The following SLC26A5 variants were observed in gnomAD, a reference collection of about 807,000 sequenced individuals.
The protein encoded by SLC26A5 is solute carrier family 26 member 5.
Under a neutral mutation model 81.0 loss-of-function variants are expected in SLC26A5, and 51 were observed. The observed-to-expected ratio is 0.63, with a 90% confidence interval of 0.50 to 0.80. SLC26A5 has a LOEUF of 0.80. SLC26A5 is among the 30% of genes least tolerant of loss of function. SLC26A5 has a pLI of 0.00. For synonymous variants in SLC26A5, 325 were observed against 332.8 expected (o/e 0.98, Z 0.25); for missense variants, 771 against 905.8 (o/e 0.85, Z 1.91).
At chr7:103,392,760 G>A (rs1333579508) in intron 10 of SLC26A5, among the ~76,000 whole-genome samples, 159 bp downstream of exon 10, 1 of 152,120 alleles carries the variant, frequency 6.6e-6, no homozygotes, top group African/African-American at 2.4e-5. Context: ...TGTATTTTCA[G>A]TAGAGATGGG....
At position 103,392,977 on chromosome 7, in the gene SLC26A5, G is replaced by T. The variant is rs755628714; in HGVS notation, c.1061C>A (p.Thr354Asn). 7 of 1,613,914 alleles carry T rather than the reference G, an allele frequency of 4.3e-6. No homozygotes were observed. In the Admixed American group the frequency reaches 1.0e-4, roughly 23 times the overall value. ...IAIAIVGFSV[T>N]ISMAKTLANK... ...TGCTAAGGTCTTGGCCATGGAGATG[G>T]TCACTGAAAATCCAACGATGGCTAT... is the stretch of plus-strand genomic sequence containing the variant. Residue 354 changes from threonine to asparagine, a missense_variant, in exon 10 of 20, where the codon ACC (threonine) becomes AAC (asparagine). Thr to Asn is a moderately conservative substitution (Grantham distance 65, BLOSUM62 0). Transcript: ENST00000306312.
At chr7:103,423,463 T>C (rs985982380) in intron 2 of SLC26A5, among the ~76,000 whole-genome samples, 9 of 152,220 alleles carry the variant, frequency 5.9e-5, no homozygotes, top group African/African-American at 2.2e-4. Context: ...TTTTGTCTCT[T>C]TCAAAATTCA....
chr7:103,430,626 A>G (rs982081068), intron 2 of SLC26A5, among the ~76,000 whole-genome samples: 5 of 88,500 alleles, frequency 5.6e-5, no homozygotes, highest in African/African-American at 4.5e-4. Context: ...CTGGATTTGA[A>G]GTGGCTCTCA....
At chr7:103,436,299 C>T (rs1380784215) in intron 2 of SLC26A5, among the ~76,000 whole-genome samples, 2 of 151,936 alleles carry the variant, frequency 1.3e-5, no homozygotes, top group Non-Finnish European at 2.9e-5. Flanking sequence ...GTCCAGAGAC[C>T]CCTGAGAATC....
At position 103,367,606 on chromosome 7, in the gene SLC26A5, C is replaced by A; in HGVS notation, c.2041+9202G>T. ...ATAGAAAAATTGAATTTAGCTTGCC[C>A]GATCTAGAGGTAAGAAAACCATTTC... is the stretch of plus-strand genomic sequence containing the variant. On this transcript the variant is annotated intron_variant, in intron 19 of 19. Transcript: ENST00000339444. This position sits in a 1 kb window ranked among gnomAD's most constrained non-coding sequence, Gnocchi z 6.1. 1.9e-6 allele frequency: 3 copies of A among 1,613,974 alleles called. No homozygotes were observed. The South Asian group carries it at 3.3e-5, about 18-fold the overall frequency.
Position 103,378,343 on chromosome 7 carries a change from CTT to C in SLC26A5, c.1785+101_1785+102del, listed in dbSNP as rs1821509426. ...ACTAAGGTGGTTTCTAAACTTTCCTCTTTTAGTAACTTCGTGCTGTGTTTAAA... is the reference window on the plus strand; with the variant it reads ...ACTAAGGTGGTTTCTAAACTTTCCTCTTAGTAACTTCGTGCTGTGTTTAAA... On this transcript the variant is annotated intron_variant, in intron 17 of 19. Transcript: ENST00000306312. The C allele has an allele frequency of 2.6e-6, 3 of 1,170,182 alleles. No homozygotes were observed. The South Asian group carries it at 3.7e-5, about 15-fold the overall frequency. The allele number at this position is 1,170,182 out of a possible 1,614,324, so 72.5% of individuals were successfully genotyped here. A position where few individuals can be genotyped will look rare whatever the true frequency, so the allele number is the denominator to read the frequency against.
At chr7:103,368,206 G>A in intron 19 of SLC26A5, 1 of 717,372 alleles carries the variant, frequency 1.4e-6, no homozygotes, top group Non-Finnish European at 2.1e-6. Context: ...GATTTCTAAT[G>A]TTATTAGGCA....
chr7:103,359,206 TG>T (rs370145007), intron 19 of SLC26A5, among the ~76,000 whole-genome samples: 33 of 140,210 alleles, frequency 2.4e-4, no homozygotes, highest in African/African-American at 7.5e-4. Flanking sequence ...CCATGTTGCC[TG>T]GGCTGCTCTT....
At chr7:103,440,625 A>C (rs1020836082) in intron 2 of SLC26A5, among the ~76,000 whole-genome samples, 3 of 152,182 alleles carry the variant, frequency 2.0e-5, no homozygotes, top group Admixed American at 2.0e-4. Flanking sequence ...AATACTACTA[A>C]ATCTTTGGGA....
At position 103,418,490 on chromosome 7, in the gene SLC26A5, C is replaced by T. The variant is rs190645000; in HGVS notation, c.292+2248G>A. Among the ~76,000 whole-genome samples the T allele has an allele frequency of 1.8e-3, 275 of 152,204 alleles. 2 individuals are homozygous for T. The highest frequency in any genetic ancestry group is 6.4e-3 in the African/African-American group (264 of 41,522). ...CTGTTTCAGATACTGGGCCCTTATC[C>T]GCTCCTCACCCTGCCCTTGCCCCTG... On this transcript the variant is annotated intron_variant, in intron 4 of 19. Coordinates refer to ENST00000306312, the MANE Select transcript of SLC26A5 (RefSeq NM_198999.3).
downstream of SLC26A5, among the ~76,000 whole-genome samples, chr7:103,370,496 A>T (rs140485623): frequency 6.6e-6 from 1 of 151,638 alleles, no homozygotes; most frequent in East Asian, 1.9e-4. Flanking sequence ...TCATTTTCTC[A>T]AAGTGTACAC....
chr7:103,421,915 A>G (rs1359582417), intron 2 of SLC26A5, among the ~76,000 whole-genome samples: 1 of 152,228 alleles, frequency 6.6e-6, no homozygotes, highest in Admixed American at 6.5e-5. Flanking sequence ...GGAAACAGAA[A>G]AAAAGAGTAC....
intron 4 of SLC26A5, among the ~76,000 whole-genome samples, chr7:103,414,982 A>G (rs1044086291): frequency 1.3e-4 from 20 of 152,216 alleles, no homozygotes; most frequent in African/African-American, 4.8e-4. Flanking sequence ...GACACACTCA[A>G]GAGGGCCTGG....
At chr7:103,376,731 T>C (rs1821378506) in intron 19 of SLC26A5, 77 bp downstream of exon 19, 7 of 1,004,412 alleles carry the variant, frequency 7.0e-6, no homozygotes, top group Admixed American at 3.9e-5. Flanking sequence ...ATTAAGGACA[T>C]TTCCAAGTGC....
At chr7:103,371,765 G>C (rs1168615261), downstream of SLC26A5, among the ~76,000 whole-genome samples, 1 of 147,736 alleles carries the variant, frequency 6.8e-6, no homozygotes, top group African/African-American at 2.5e-5. Flanking sequence ...GCGTGGTCTC[G>C]GCTCACTGCA....
In SLC26A5 at chr7:103,390,506, G is replaced by A. The variant is rs1014473408; in HGVS notation, c.1234C>T (p.Leu412Phe). ...ATTAATGAGGCCAAACAACCTGCAA[G>A]CTGAATGAGAGAAGACACATGGAAG... The part of the protein sequence containing the change: ...VQEGTGGKTQ[L>F]AGCLASLMIL... The change falls in exon 12 of 20, where the codon CTT (leucine) becomes TTT (phenylalanine). Residue 412 changes from leucine (L) to phenylalanine (F), a missense_variant and splice_region_variant. Physicochemically the swap from Leu to Phe is conservative, Grantham distance 22. Coordinates refer to ENST00000306312, the MANE Select transcript of SLC26A5 (RefSeq NM_198999.3). The A allele has an allele frequency of 1.2e-6, 2 of 1,613,834 alleles. No homozygotes were observed. Among genetic ancestry groups the A allele is most frequent in the Non-Finnish European group, 8.5e-7 (1 of 1,179,740 alleles).
downstream of SLC26A5, among the ~76,000 whole-genome samples, chr7:103,373,201 A>T (rs529413158): frequency 4.6e-5 from 7 of 152,364 alleles, no homozygotes; most frequent in East Asian, 1.3e-3. Context: ...TACCACACAG[A>T]TAAGTCTGTA....
Position 103,377,623 on chromosome 7 carries a change from A to C in SLC26A5, c.1962T>G (p.Ser654=). The change falls in exon 18 of 20, where the codon TCT becomes TCG. Residue 654 remains serine (S), a synonymous_variant. Transcript: ENST00000306312. ...CCCCTGCCAGAGTTTTCACTCCAAC[A>C]GAATCAATAAAATTGACTTGAGTGA... ...LDFTQVNFID[S]VGVKTLAGIV... The C allele has an allele frequency of 6.2e-7, 1 of 1,614,144 alleles. No individual in the cohort carries two copies. Among genetic ancestry groups the C allele is most frequent in the Non-Finnish European group, 8.5e-7 (1 of 1,180,000 alleles).
chr7:103,365,909 CAG>C (rs1820694925), intron 19 of SLC26A5, among the ~76,000 whole-genome samples: 1 of 152,042 alleles, frequency 6.6e-6, no homozygotes, highest in South Asian at 2.1e-4. Context: ...GCCTGGGCGA[CAG>C]AGGAAGACTC....
Sources: gnomAD v4.1 joint callset for allele counts (sites outside exome capture counted in the v4.1 genomes callset) on GRCh38, gnomAD v4.1.1 for gene constraint, Gnocchi (gnomAD v3.1) non-coding constraint, MANE v1.5 for transcripts, NCBI Gene and HGNC (gene_info 2026-07-23, HGNC 2026-07-21) for gene names.